RANBP2: variants seen among roughly 807,000 people sequenced by gnomAD.
RANBP2 encodes E3 SUMO-protein ligase RanBP2.
Under a neutral mutation model 303.6 loss-of-function variants are expected in RANBP2, and 57 were observed. That is an observed-to-expected ratio of 0.19 (90% CI 0.15 to 0.23). The LOEUF is 0.23. RANBP2 is among the 10% of genes least tolerant of loss of function. The pLI is 1.00. For missense variants in RANBP2, 3,138 were observed against 3,780.8 expected (o/e 0.83, Z 4.46); for synonymous variants, 1,167 against 1,301.5 (o/e 0.90, Z 2.23).
chr2:109,153,264 A>C, the RANBP2 span, among the ~76,000 whole-genome samples: 1 of 152,228 alleles, frequency 6.6e-6, no homozygotes, highest in Non-Finnish European at 1.5e-5. Context: ...TAATTCTTGA[A>C]GGGAATGTAG....
At chr2:108,808,636 C>G in the RANBP2 span, among the ~76,000 whole-genome samples, 2 of 152,102 alleles carry the variant, frequency 1.3e-5, no homozygotes, top group African/African-American at 4.8e-5. Context: ...TTTCATATAC[C>G]TGTTGGCTGT....
At chr2:109,389,495 C>A in the RANBP2 span, among the ~76,000 whole-genome samples, 5 of 152,222 alleles carry the variant, frequency 3.3e-5, no homozygotes, top group Non-Finnish European at 7.4e-5. Context: ...GGACGCATGC[C>A]AATATTTATT....
the RANBP2 span, chr2:109,567,709 T>C: frequency 8.9e-7 from 1 of 1,128,462 alleles, no homozygotes; most frequent in East Asian, 2.7e-5. Flanking sequence ...TTGTTTGAAG[T>C]CTTTTTGGAA....
At chr2:108,796,818 G>C in the RANBP2 span, among the ~76,000 whole-genome samples, 1 of 152,202 alleles carries the variant, frequency 6.6e-6, no homozygotes, top group African/African-American at 2.4e-5. Context: ...CCAGAGGCTG[G>C]GAGGGGAAGG....
At chr2:108,735,034 A>G (rs1428175343) in intron 4 of RANBP2, among the ~76,000 whole-genome samples, 2 of 152,176 alleles carry the variant, frequency 1.3e-5, no homozygotes, top group African/African-American at 4.8e-5. Flanking sequence ...TTCAGAGAGA[A>G]AAAGCCATCA....
the RANBP2 span, among the ~76,000 whole-genome samples, chr2:108,813,188 G>A: frequency 0.64 from 93,329 of 145,270 alleles, 32,915 homozygotes; most frequent in East Asian, 0.9. Flanking sequence ...GGCGGAGGTT[G>A]CAGTGAGCCG....
chr2:108,720,064 G>A (rs1694108737), intron 1 of RANBP2: 1 of 984,846 alleles, frequency 1.0e-6, no homozygotes, highest in Non-Finnish European at 1.2e-6. Context: ...CCATCTCCTG[G>A]ACATATACTT....
the RANBP2 span, among the ~76,000 whole-genome samples, chr2:109,412,252 G>A: frequency 6.6e-6 from 1 of 152,244 alleles, no homozygotes; most frequent in Admixed American, 6.5e-5. Flanking sequence ...GGTCTCTCCT[G>A]GCCAAACACA....
At chr2:109,222,420 T>A in the RANBP2 span, among the ~76,000 whole-genome samples, 6 of 152,350 alleles carry the variant, frequency 3.9e-5, no homozygotes, top group African/African-American at 1.4e-4. Context: ...TCATTACACA[T>A]TGTATGTATC....
At chr2:109,515,933 C>T in the RANBP2 span, among the ~76,000 whole-genome samples, 10 of 152,188 alleles carry the variant, frequency 6.6e-5, no homozygotes. Flanking sequence ...CCTGCCAGGC[C>T]CCATCTCCAG....
the RANBP2 span, among the ~76,000 whole-genome samples, chr2:109,206,490 C>CAAAAAAAAAAAAAA: frequency 7.4e-5 from 3 of 40,760 alleles, no homozygotes; most frequent in African/African-American, 3.0e-4. Context: ...GACTCCGTCT[C>CAAAAAAAAAAAAAA]AAAAAAAAAA....
the RANBP2 span, among the ~76,000 whole-genome samples, chr2:109,350,567 G>A: frequency 6.6e-6 from 1 of 152,182 alleles, no homozygotes; most frequent in African/African-American, 2.4e-5. Context: ...TACCTGTTCT[G>A]TCCTGTTGCA....
the RANBP2 span, among the ~76,000 whole-genome samples, chr2:109,247,058 A>G: frequency 1.3e-5 from 2 of 152,238 alleles, no homozygotes. Flanking sequence ...TCACAACTAC[A>G]TTCAACTCTA....
chr2:108,782,423 C>G (rs776986464), intron 27 of RANBP2, 22 bp downstream of exon 27: 2 of 1,613,784 alleles, frequency 1.2e-6, no homozygotes, highest in South Asian at 2.2e-5. Flanking sequence ...CATTCAAATG[C>G]TACTTTTCAT....
the RANBP2 span, among the ~76,000 whole-genome samples, chr2:109,398,383 G>A: frequency 6.6e-6 from 1 of 152,092 alleles, no homozygotes; most frequent in Non-Finnish European, 1.5e-5. Context: ...TCTCCATCAT[G>A]GCTCCTGGGG....
the RANBP2 span, among the ~76,000 whole-genome samples, chr2:109,604,505 ATCACGAGG>A: frequency 1.3e-5 from 2 of 151,690 alleles, no homozygotes; most frequent in African/African-American, 4.8e-5. Context: ...GGCGGGTGGG[ATCACGAGG>A]TCAGGAGATC....
intron 23 of RANBP2, among the ~76,000 whole-genome samples, chr2:108,775,162 TGA>T (rs1419602627): frequency 1.3e-5 from 2 of 152,230 alleles, no homozygotes; most frequent in Non-Finnish European, 1.5e-5. Flanking sequence ...TTATTTTCCT[TGA>T]GACGTTCTTT....
At chr2:109,584,109 T>G in the RANBP2 span, among the ~76,000 whole-genome samples, 147 of 152,290 alleles carry the variant, frequency 9.7e-4, 2 homozygotes, top group South Asian at 0.012. Flanking sequence ...ACCCATGTAA[T>G]AAACCTGCAA....
the RANBP2 span, among the ~76,000 whole-genome samples, chr2:109,659,160 T>C: frequency 6.6e-6 from 1 of 151,568 alleles, no homozygotes; most frequent in South Asian, 2.1e-4. Context: ...TTGAATTACG[T>C]GAGGTCAGGA....
Sources: allele counts gnomAD v4.1 joint callset (sites outside exome capture counted in the v4.1 genomes callset), GRCh38; gene constraint gnomAD v4.1.1; transcripts MANE v1.5; gene names NCBI Gene and HGNC (gene_info 2026-07-23, HGNC 2026-07-21).